The following NFIB variants were observed in gnomAD, a reference collection of about 807,000 sequenced individuals.
NFIB encodes nuclear factor I B.
A neutral mutation model predicts 61.5 loss-of-function variants in NFIB; 11 were observed. The ratio of observed to expected loss-of-function variants is 0.18; its 90% CI spans 0.11 to 0.30. The LOEUF is 0.30. Among genes scored for constraint, NFIB ranks in the 10% least tolerant of loss-of-function variants. The probability of loss-of-function intolerance (pLI) is 1.00; values close to 1 mark genes in which losing one functional copy is unlikely to be tolerated. For missense variants in NFIB, 471 were observed against 608.9 expected, an observed-to-expected ratio of 0.77 and a Z score of 2.38; for synonymous variants, 260 against 216.5, an observed-to-expected ratio of 1.20 and a Z score of -1.76.
intron 1 of NFIB, among the ~76,000 whole-genome samples, chr9:14,391,060 T>A (rs972193297): frequency 6.6e-6 from 1 of 152,200 alleles, no homozygotes; most frequent in South Asian, 2.1e-4. Context: ...TACTTTCCCC[T>A]CAAAAAGGTG....
At chr9:14,375,781 AC>A (rs900812321) in intron 1 of NFIB, among the ~76,000 whole-genome samples, 2 of 152,200 alleles carry the variant, frequency 1.3e-5, no homozygotes, top group Non-Finnish European at 2.9e-5. Context: ...AGGAAAAATT[AC>A]TGTCCCAAAT....
At chr9:14,293,297 CGAAAA>C (rs2059217122) in intron 2 of NFIB, among the ~76,000 whole-genome samples, 2 of 152,146 alleles carry the variant, frequency 1.3e-5, no homozygotes, top group Admixed American at 6.5e-5. Context: ...GGCACATGGT[CGAAAA>C]TGGCTGCAAA....
intron 3 of NFIB, among the ~76,000 whole-genome samples, chr9:14,168,114 A>AG (rs1169873334): frequency 6.6e-6 from 1 of 152,206 alleles, no homozygotes; most frequent in African/African-American, 2.4e-5. Flanking sequence ...GTATCTCCGC[A>AG]GAAGTACCCG....
intron 1 of NFIB, chr9:14,357,931 G>A (rs1414042180): frequency 6.6e-6 from 1 of 152,172 alleles, no homozygotes; most frequent in Non-Finnish European, 1.5e-5. Context: ...GAAATTCCTA[G>A]AATAGGCAAT....
At chr9:14,237,842 A>AGTGTGTGTGT (rs200054648) in intron 2 of NFIB, among the ~76,000 whole-genome samples, 1,221 of 52,522 alleles carry the variant, frequency 0.023, 197 homozygotes, top group Middle Eastern at 0.042. Flanking sequence ...TAGGTATAAC[A>AGTGTGTGTGT]GTGTGTGTGT....
intron 1 of NFIB, among the ~76,000 whole-genome samples, chr9:14,398,259 T>G (rs1432583080): frequency 3.9e-5 from 6 of 152,220 alleles, no homozygotes; most frequent in Admixed American, 3.9e-4. Context: ...AACTTCATAA[T>G]ACCTATGCTG....
chr9:14,292,931 G>A lies in NFIB; in HGVS notation c.562+14058C>T, dbSNP rs574359677. ...ATCTTAATAAACAAAAAAAATTATC[G>A]TCATCCCCTACAAAACAAAAACTGA... On this transcript the variant is annotated intron_variant, in intron 2 of 10. Coordinates refer to ENST00000380953, the MANE Select transcript of NFIB (RefSeq NM_001190737.2). Among the ~76,000 whole-genome samples the A allele has an allele frequency of 1.2e-4, 18 of 151,998 alleles. No individual in the cohort carries two copies. The East Asian group carries it at 1.5e-3, about 13-fold the overall frequency.
intron 3 of NFIB, among the ~76,000 whole-genome samples, chr9:14,166,724 A>C (rs941585100): frequency 2.0e-5 from 3 of 152,160 alleles, no homozygotes; most frequent in African/African-American, 4.8e-5. Context: ...CCCTTTTCTC[A>C]TCATCTTAAC....
chr9:14,191,244 T>G (rs375595442), intron 2 of NFIB, among the ~76,000 whole-genome samples: 1 of 151,936 alleles, frequency 6.6e-6, no homozygotes, highest in Admixed American at 6.6e-5. Context: ...GGGAGGATCA[T>G]CTGAGCCCTG....
rs1331072933 is a variant in NFIB at position 14,170,960 on chromosome 9, T to C, written c.616+8767A>G. Among the ~76,000 whole-genome samples, 6 of 152,326 alleles carry C rather than the reference T, an allele frequency of 3.9e-5. No individual in the cohort carries two copies. The East Asian group carries it at 1.2e-3, about 29-fold the overall frequency. On this transcript the variant is annotated intron_variant, in intron 3 of 10. Coordinates refer to ENST00000380953, the MANE Select transcript of NFIB (RefSeq NM_001190737.2). The stretch of plus-strand genomic sequence containing the variant: ...ATTTTACTTGGATTCTATGTTACCT[T>C]ATGACACCATTTCAGATAACACGAG...
the NFIB span, among the ~76,000 whole-genome samples, chr9:14,457,894 A>G: frequency 6.6e-6 from 1 of 152,192 alleles, no homozygotes; most frequent in South Asian, 2.1e-4. Context: ...CAACCAAAAA[A>G]AGTCCAGGAC....
At chr9:14,192,292 T>C (rs2048029872) in intron 2 of NFIB, among the ~76,000 whole-genome samples, 1 of 152,156 alleles carries the variant, frequency 6.6e-6, no homozygotes, top group Non-Finnish European at 1.5e-5. Context: ...AATTTTCAGA[T>C]AGGATTTAAA....
the NFIB span, among the ~76,000 whole-genome samples, chr9:14,418,742 A>G: frequency 1.3e-5 from 2 of 152,208 alleles, no homozygotes; most frequent in African/African-American, 4.8e-5. Context: ...TTCCCATATT[A>G]CATTCAATGT....
intron 2 of NFIB, among the ~76,000 whole-genome samples, chr9:14,194,149 G>A (rs1226998940): frequency 6.6e-6 from 1 of 152,118 alleles, no homozygotes; most frequent in Admixed American, 6.6e-5. Flanking sequence ...AACTTCTAAT[G>A]CACATTTATG....
chr9:14,473,008 T>C, the NFIB span, among the ~76,000 whole-genome samples: 1 of 152,190 alleles, frequency 6.6e-6, no homozygotes, highest in African/African-American at 2.4e-5. Context: ...CATCTTAACA[T>C]CCAGGCTTTA....
chr9:14,345,105 T>G (rs1056550352), intron 1 of NFIB, among the ~76,000 whole-genome samples: 7 of 152,164 alleles, frequency 4.6e-5, no homozygotes, highest in African/African-American at 1.7e-4. Context: ...GAACTGGCCA[T>G]TAACACACTT....
chr9:14,370,428 A>C (rs1289179929), intron 1 of NFIB, among the ~76,000 whole-genome samples: 1 of 152,246 alleles, frequency 6.6e-6, no homozygotes, highest in Non-Finnish European at 1.5e-5. Flanking sequence ...CTTTTTAAAA[A>C]TTAAAGGAAT....
intron 2 of NFIB, among the ~76,000 whole-genome samples, chr9:14,252,656 T>C (rs558932857): frequency 7.1e-6 from 1 of 140,156 alleles, no homozygotes; most frequent in South Asian, 2.1e-4. Flanking sequence ...CAATGAACTA[T>C]CTGTTACTAC....
At chr9:14,115,541 C>G (rs1411200394) in intron 9 of NFIB, among the ~76,000 whole-genome samples, 1 of 152,060 alleles carries the variant, frequency 6.6e-6, no homozygotes, top group Non-Finnish European at 1.5e-5. Context: ...GGCTAAATCT[C>G]TGACATTTAA....
Sources: allele counts gnomAD v4.1 joint callset (sites outside exome capture counted in the v4.1 genomes callset), GRCh38; gene constraint gnomAD v4.1.1; transcripts MANE v1.5; gene names NCBI Gene and HGNC (gene_info 2026-07-23, HGNC 2026-07-21).